GPR158: variants seen among roughly 807,000 people sequenced by gnomAD.
GPR158 encodes metabotropic glycine receptor.
GPR158 carries 30 observed loss-of-function variants against 78.2 expected under a neutral mutation model. The observed-to-expected ratio is 0.38, with a 90% CI of 0.29 to 0.52. The LOEUF is 0.52. Among genes scored for constraint, GPR158 ranks in the 20% least tolerant of loss-of-function variants. The pLI is 0.83. For missense variants in GPR158, 1,463 were observed against 1,523.5 expected (o/e 0.96, Z 0.66); for synonymous variants, 581 against 591.1 (o/e 0.98, Z 0.25).
In GPR158 at chr10:25,248,450, C is replaced by A. The variant is rs897569289; in HGVS notation, c.1008+27293C>A. Among the ~76,000 whole-genome samples the A allele has an allele frequency of 9.9e-5, 15 of 151,866 alleles. 1 individual carries two copies. Among genetic ancestry groups the A allele is most frequent in the Admixed American group, 9.8e-4 (15 of 15,254 alleles). On this transcript the variant is annotated intron_variant, in intron 2 of 10. Coordinates refer to ENST00000376351, the MANE Select transcript of GPR158 (RefSeq NM_020752.3). The stretch of plus-strand genomic sequence containing the variant: ...TTCTAGGGTTTTTATGGTTTTAGGT[C>A]TAACATTTAAATCTTTAATCCATCT...
intron 1 of GPR158, among the ~76,000 whole-genome samples, chr10:25,217,439 C>T (rs1853232245): frequency 6.6e-6 from 1 of 152,132 alleles, no homozygotes; most frequent in Non-Finnish European, 1.5e-5. Flanking sequence ...GTCATCTCGT[C>T]ACATACATGT....
chr10:25,519,817 C>CATTT (rs1237854087), intron 5 of GPR158, among the ~76,000 whole-genome samples: 1 of 78,598 alleles, frequency 1.3e-5, no homozygotes, highest in Non-Finnish European at 2.2e-5. Flanking sequence ...TTTTTTCCTT[C>CATTT]ATTTCAACTT....
At chr10:25,294,158 C>A (rs1331886412) in intron 2 of GPR158, among the ~76,000 whole-genome samples, 2 of 152,136 alleles carry the variant, frequency 1.3e-5, no homozygotes, top group African/African-American at 2.4e-5. Context: ...TATAATCAAT[C>A]AACTAATAAA....
At chr10:25,551,658 G>A (rs1836726432) in intron 6 of GPR158, among the ~76,000 whole-genome samples, 1 of 152,146 alleles carries the variant, frequency 6.6e-6, no homozygotes, top group Admixed American at 6.6e-5. Context: ...ATATTGGGGT[G>A]GGGCAGGGGA....
intron 5 of GPR158, among the ~76,000 whole-genome samples, chr10:25,518,410 G>A (rs1323075826): frequency 1.1e-5 from 1 of 91,744 alleles, no homozygotes; most frequent in Admixed American, 9.9e-5. Context: ...CTTGCCTTCT[G>A]CTAGCTTTTG....
intron 1 of GPR158, among the ~76,000 whole-genome samples, chr10:25,218,059 G>A (rs1265636964): frequency 1.3e-5 from 2 of 152,110 alleles, no homozygotes. Context: ...GTCCTTAGGT[G>A]TTGGATCTTT....
intron 3 of GPR158, among the ~76,000 whole-genome samples, chr10:25,399,807 C>T (rs1409911368): frequency 6.6e-6 from 1 of 152,086 alleles, no homozygotes; most frequent in Non-Finnish European, 1.5e-5. Context: ...TTGCATGTTT[C>T]TGTGTTTTAA....
At chr10:25,591,309 G>A (rs182527951) in intron 8 of GPR158, among the ~76,000 whole-genome samples, 1 of 152,184 alleles carries the variant, frequency 6.6e-6, no homozygotes, top group Admixed American at 6.5e-5. Flanking sequence ...AACCTCACTT[G>A]ACATTTGATA....
At chr10:25,251,043 A>T (rs962563598) in intron 2 of GPR158, among the ~76,000 whole-genome samples, 24 of 152,074 alleles carry the variant, frequency 1.6e-4, no homozygotes, top group Non-Finnish European at 3.1e-4. Context: ...CTTCTTGTTG[A>T]ATTGATCCCT....
Position 25,600,312 on chromosome 10 carries a change from C to G in GPR158, c.*1038C>G, listed in dbSNP as rs1837477916. The G allele has an allele frequency of 6.6e-6, 1 of 152,288 alleles. No homozygotes were observed. The highest frequency in any genetic ancestry group is 1.5e-5 in the Non-Finnish European group (1 of 67,982). 9.4% of individuals were successfully genotyped at this position (152,288 alleles called of 1,614,324 possible). ...AGTATTTCCTACTTAGCAGCATTTC[C>G]AAAGGAAGAAGCTAAGAGTGAGAAA... On this transcript the variant is annotated 3_prime_UTR_variant, in exon 11 of 11. Coordinates refer to ENST00000376351, the MANE Select transcript of GPR158 (RefSeq NM_020752.3).
intron 2 of GPR158, among the ~76,000 whole-genome samples, chr10:25,299,405 C>T (rs1440371031): frequency 6.6e-6 from 1 of 152,152 alleles, no homozygotes; most frequent in African/African-American, 2.4e-5. Flanking sequence ...TTTTCCTGTT[C>T]TCCCATCTCA....
chr10:25,444,632 ATGTGTGTATTTGTTTGGAGGGGTGTGTG>A (rs1345669744), intron 4 of GPR158, among the ~76,000 whole-genome samples: 33 of 150,776 alleles, frequency 2.2e-4, no homozygotes, highest in African/African-American at 8.0e-4. Flanking sequence ...ATATGTGAAG[ATGTGTGTATTTGTTTGGAGGGGTGTGTG>A]TGTGTGTATG....
intron 1 of GPR158, among the ~76,000 whole-genome samples, chr10:25,186,765 T>C (rs1326664023): frequency 6.6e-6 from 1 of 152,002 alleles, no homozygotes; most frequent in Admixed American, 6.6e-5. Context: ...CAGGACCAGA[T>C]GGATTCACAG....
chr10:25,221,369 A>G (rs1357856522), intron 2 of GPR158, among the ~76,000 whole-genome samples: 1 of 152,196 alleles, frequency 6.6e-6, no homozygotes, highest in African/African-American at 2.4e-5. Context: ...CAAAACTACA[A>G]TTACATCTGA....
At chr10:25,368,150 A>G (rs577124996) in intron 2 of GPR158, among the ~76,000 whole-genome samples, 207 of 151,972 alleles carry the variant, frequency 1.4e-3, no homozygotes, top group Non-Finnish European at 2.5e-3. Context: ...AGTACTGTCT[A>G]TTTGATCCTG....
intron 5 of GPR158, among the ~76,000 whole-genome samples, chr10:25,497,712 G>T (rs1057006022): frequency 1.3e-5 from 2 of 152,134 alleles, no homozygotes; most frequent in African/African-American, 2.4e-5. Flanking sequence ...GTGAAGAAGG[G>T]ATAAATAATC....
intron 2 of GPR158, among the ~76,000 whole-genome samples, chr10:25,330,405 G>A (rs569801399): frequency 2.6e-5 from 4 of 152,196 alleles, no homozygotes; most frequent in African/African-American, 4.8e-5. Context: ...CTCAAGTTTG[G>A]CGAGGCATTT....
At chr10:25,314,138 G>A (rs1854810435) in intron 2 of GPR158, among the ~76,000 whole-genome samples, 1 of 152,056 alleles carries the variant, frequency 6.6e-6, no homozygotes, top group Non-Finnish European at 1.5e-5. Context: ...GTCTCACTCT[G>A]TCACCAGGCT....
chr10:25,385,661 C>T (rs758735714), intron 2 of GPR158, among the ~76,000 whole-genome samples: 12 of 152,114 alleles, frequency 7.9e-5, no homozygotes, highest in Non-Finnish European at 1.6e-4. Context: ...AGTGGCCATA[C>T]TAATGGAGGT....
Sources: gnomAD v4.1 joint callset for allele counts (sites outside exome capture counted in the v4.1 genomes callset) on GRCh38, gnomAD v4.1.1 for gene constraint, MANE v1.5 for transcripts, NCBI Gene and HGNC (gene_info 2026-07-23, HGNC 2026-07-21) for gene names.